SMURF1: variants seen among roughly 807,000 people sequenced by gnomAD.
SMURF1 encodes E3 ubiquitin-protein ligase SMURF1.
SMURF1 carries 44 observed loss-of-function variants against 98.0 expected under a neutral mutation model. The observed-to-expected ratio is 0.45, with a 90% CI of 0.35 to 0.58. The LOEUF (loss-of-function observed/expected upper bound fraction) is 0.58, where lower values mean the gene tolerates loss of function less well. SMURF1 is among the 20% of genes least tolerant of loss of function. The pLI is 0.00. For synonymous variants in SMURF1, 396 were observed against 374.9 expected, an observed-to-expected ratio of 1.06 and a Z score of -0.65; for missense variants, 687 against 938.4, an observed-to-expected ratio of 0.73 and a Z score of 3.50.
At chr7:99,119,321 A>C (rs1189439177) in intron 1 of SMURF1, among the ~76,000 whole-genome samples, 1 of 152,136 alleles carries the variant, frequency 6.6e-6, no homozygotes, top group Non-Finnish European at 1.5e-5. Flanking sequence ...GCCATCTTGT[A>C]CAGTTTAAAT....
intron 17 of SMURF1, among the ~76,000 whole-genome samples, chr7:99,031,800 A>G (rs1335727773): frequency 6.6e-6 from 1 of 152,194 alleles, no homozygotes; most frequent in Non-Finnish European, 1.5e-5. Flanking sequence ...CTGACCCCGC[A>G]TCCTTGGGTT....
intron 13 of SMURF1, 81 bp downstream of exon 13, chr7:99,040,297 G>T: frequency 8.0e-7 from 1 of 1,250,632 alleles, no homozygotes; most frequent in South Asian, 2.3e-5. Context: ...ACACACACGC[G>T]CGCGCGCGCG....
chr7:99,047,949 A>ACGCGACAGGGTCAGAGGAGAGAGCG, intron 9 of SMURF1, 67 bp from the exon 10 acceptor site: 1 of 1,449,708 alleles, frequency 6.9e-7, no homozygotes, highest in East Asian at 2.3e-5. Flanking sequence ...GCACCCACGT[A>ACGCGACAGGGTCAGAGGAGAGAGCG]CGCGACAGGG....
intron 1 of SMURF1, among the ~76,000 whole-genome samples, chr7:99,130,782 C>T (rs1042899909): frequency 2.0e-5 from 3 of 152,154 alleles, no homozygotes; most frequent in African/African-American, 7.2e-5. Flanking sequence ...TATTCCTGTT[C>T]CCCCAAACAA....
intron 1 of SMURF1, among the ~76,000 whole-genome samples, chr7:99,085,661 A>G (rs1285376169): frequency 1.3e-5 from 2 of 152,158 alleles, no homozygotes; most frequent in African/African-American, 2.4e-5. Flanking sequence ...AGTACATTCT[A>G]TAGGTTTTGA....
At chr7:99,040,311 G>T in intron 13 of SMURF1, 67 bp downstream of exon 13, 1 of 1,373,770 alleles carries the variant, frequency 7.3e-7, no homozygotes. Flanking sequence ...GCGCGCGCAC[G>T]CGCATACATA....
chr7:99,106,317 C>T (rs567654419), intron 1 of SMURF1, among the ~76,000 whole-genome samples: 35 of 152,282 alleles, frequency 2.3e-4, no homozygotes, highest in African/African-American at 8.2e-4. Context: ...GAAAAATTCA[C>T]CCTATCATGA....
At chr7:99,079,950 A>G (rs1182407300) in intron 1 of SMURF1, among the ~76,000 whole-genome samples, 4 of 152,080 alleles carry the variant, frequency 2.6e-5, no homozygotes, top group Admixed American at 2.6e-4. Flanking sequence ...AAGGGGAAAC[A>G]ACTGTCAGTC....
At chr7:99,080,596 GCTAAAC>G (rs1796559158) in intron 1 of SMURF1, among the ~76,000 whole-genome samples, 1 of 152,140 alleles carries the variant, frequency 6.6e-6, no homozygotes, top group Non-Finnish European at 1.5e-5. Context: ...ACCACGCCCG[GCTAAAC>G]CTACCTAGTT....
chr7:99,102,756 T>C (rs1014008448), intron 1 of SMURF1, among the ~76,000 whole-genome samples: 3 of 152,258 alleles, frequency 2.0e-5, no homozygotes, highest in Non-Finnish European at 4.4e-5. Context: ...CAACATTATT[T>C]GATTCATAGC....
intron 1 of SMURF1, among the ~76,000 whole-genome samples, chr7:99,137,806 C>A (rs1476695346): frequency 6.6e-6 from 1 of 152,178 alleles, no homozygotes; most frequent in Non-Finnish European, 1.5e-5. Flanking sequence ...TTTTTTCCCC[C>A]ATTAGTCCAG....
Position 99,038,536 on chromosome 7 carries a change from AAGAC to A in SMURF1, c.1551-15_1551-12del. On this transcript the variant is annotated splice_polypyrimidine_tract_variant and intron_variant, in intron 13 of 17. Transcript: ENST00000361368. ...GTGATGTCGTTCTCTCTGTTGAAAT[AAGAC>A]AGAAGGATGTAGGTTAGAACTCTGC... 3.1e-6 allele frequency: 5 copies of A among 1,613,342 alleles called. No individual in the cohort carries two copies. The highest frequency in any genetic ancestry group is 4.2e-6 in the Non-Finnish European group (5 of 1,179,626).
intron 1 of SMURF1, among the ~76,000 whole-genome samples, chr7:99,114,496 G>T (rs1260789436): frequency 6.6e-6 from 1 of 151,994 alleles, no homozygotes; most frequent in Non-Finnish European, 1.5e-5. Context: ...TAACAATAGA[G>T]CCCCAAATAT....
chr7:99,057,790 G>GT (rs1795921088), intron 3 of SMURF1, among the ~76,000 whole-genome samples: 1 of 152,030 alleles, frequency 6.6e-6, no homozygotes, highest in Non-Finnish European at 1.5e-5. Context: ...TAGAGATGGG[G>GT]TTTCGCCATG....
chr7:99,097,527 C>G (rs1232928694), intron 1 of SMURF1, among the ~76,000 whole-genome samples: 3 of 152,202 alleles, frequency 2.0e-5, no homozygotes, highest in Non-Finnish European at 4.4e-5. Context: ...CTCTCTCTCA[C>G]ACATGTTCTC....
intron 1 of SMURF1, among the ~76,000 whole-genome samples, chr7:99,088,248 A>C (rs1796727144): frequency 6.7e-6 from 1 of 148,710 alleles, no homozygotes; most frequent in African/African-American, 2.5e-5. Context: ...ACAGAGCAAG[A>C]CTCTGTCTCA....
intron 1 of SMURF1, among the ~76,000 whole-genome samples, chr7:99,136,843 G>C (rs1056167291): frequency 1.3e-5 from 2 of 152,084 alleles, no homozygotes; most frequent in Non-Finnish European, 2.9e-5. Context: ...TCAGCTACTC[G>C]GGAGGCTGAG....
intron 1 of SMURF1, among the ~76,000 whole-genome samples, chr7:99,137,816 G>A (rs1447824080): frequency 6.6e-6 from 1 of 152,172 alleles, no homozygotes; most frequent in African/African-American, 2.4e-5. Flanking sequence ...CATTAGTCCA[G>A]AAATGTGGAA....
intron 1 of SMURF1, among the ~76,000 whole-genome samples, chr7:99,126,974 C>A (rs11395832): frequency 6.6e-6 from 1 of 152,206 alleles, no homozygotes; most frequent in Non-Finnish European, 1.5e-5. Flanking sequence ...GAGCAGGGGC[C>A]GGGGGGAAGG....
Sources: gnomAD v4.1 joint callset for allele counts (sites outside exome capture counted in the v4.1 genomes callset) on GRCh38, gnomAD v4.1.1 for gene constraint, MANE v1.5 for transcripts, NCBI Gene and HGNC (gene_info 2026-07-23, HGNC 2026-07-21) for gene names.